The following MARK3 variants were observed in gnomAD, a reference collection of about 807,000 sequenced individuals.
MARK3 encodes microtubule affinity regulating kinase 3.
MARK3 carries 46 observed loss-of-function variants against 90.1 expected under a neutral mutation model. That is an observed-to-expected ratio of 0.51 (90% CI 0.40 to 0.65). The LOEUF (loss-of-function observed/expected upper bound fraction) is 0.65, where lower values mean the gene tolerates loss of function less well. Among genes scored for constraint, MARK3 ranks in the 30% least tolerant of loss-of-function variants. The pLI is 0.00. For synonymous variants in MARK3, 321 were observed against 332.6 expected, an observed-to-expected ratio of 0.97 and a Z score of 0.38; for missense variants, 818 against 947.2, an observed-to-expected ratio of 0.86 and a Z score of 1.79.
chr14:103,456,253 C>G, intron 5 of MARK3, among the ~76,000 whole-genome samples: 1 of 152,188 alleles, frequency 6.6e-6, no homozygotes, highest in Non-Finnish European at 1.5e-5. Flanking sequence ...CCCTCTTGGT[C>G]TTCCTGTCCC....
intron 12 of MARK3, among the ~76,000 whole-genome samples, 198 bp from the exon 13 acceptor site, chr14:103,474,795 A>G (rs1182937750): frequency 6.6e-6 from 1 of 152,218 alleles, no homozygotes; most frequent in Non-Finnish European, 1.5e-5. Context: ...AGAAAGGAGT[A>G]TTAAGTGAAA....
At chr14:103,475,667 C>T (rs2093701516) in intron 13 of MARK3, among the ~76,000 whole-genome samples, 1 of 152,180 alleles carries the variant, frequency 6.6e-6, no homozygotes, top group South Asian at 2.1e-4. Context: ...ACTAATCTGG[C>T]CGGGTGCGGT....
At chr14:103,445,106 C>T (rs1250442556) in intron 3 of MARK3, among the ~76,000 whole-genome samples, 1 of 151,928 alleles carries the variant, frequency 6.6e-6, no homozygotes, top group Non-Finnish European at 1.5e-5. Context: ...TCTAAGGTAG[C>T]AATGTGGAAT....
Position 103,385,678 on chromosome 14 carries a change from GGGAGGGA to G in MARK3, c.-350_-344del. 4.7e-6 allele frequency: 1 copy of G among 213,068 alleles called. No homozygotes were observed. Among genetic ancestry groups the G allele is most frequent in the Non-Finnish European group, 9.2e-6 (1 of 108,300 alleles). 13.2% of individuals were successfully genotyped at this position (213,068 alleles called of 1,614,324 possible). On this transcript the variant is annotated 5_prime_UTR_variant, in exon 1 of 18. Transcript: ENST00000429436. ...CGCGAGCTGAAATTCGCGGTGCGAC[GGGAGGGA>G]GTGGAGAAGGAGGTGAGGGGGCCCA...
chr14:103,448,092 C>G (rs2141288750), intron 3 of MARK3, among the ~76,000 whole-genome samples: 1 of 152,242 alleles, frequency 6.6e-6, no homozygotes, highest in Admixed American at 6.5e-5. Context: ...TAAGGTCTCA[C>G]CTGGGTTCAC....
At chr14:103,389,230 G>A (rs1015646831) in intron 1 of MARK3, among the ~76,000 whole-genome samples, 6 of 151,768 alleles carry the variant, frequency 4.0e-5, no homozygotes, top group Admixed American at 3.9e-4. Context: ...CGGGCGTGGT[G>A]GCAGGCACCT....
intron 2 of MARK3, chr14:103,412,824 T>A (rs2091730950): frequency 8.4e-6 from 3 of 358,720 alleles, no homozygotes; most frequent in Non-Finnish European, 1.6e-5. Context: ...TATTAATAGT[T>A]TGGGAGGAAA....
In MARK3 at chr14:103,462,468, A is replaced by G; in HGVS notation, c.540+7A>G. ...CGTACATCGAGACCTCAAGGTGAGT[A>G]GAAGTGCCTCACTCAGTGTATGCTC... On this transcript the variant is annotated splice_region_variant and intron_variant, in intron 7 of 17. Transcript: ENST00000429436. 6.3e-7 allele frequency: 1 copy of G among 1,596,896 alleles called. No homozygotes were observed. The highest frequency in any genetic ancestry group is 1.1e-5 in the South Asian group (1 of 90,140).
At chr14:103,496,744 G>C (rs2075364242) in intron 15 of MARK3, among the ~76,000 whole-genome samples, 1 of 152,090 alleles carries the variant, frequency 6.6e-6, no homozygotes, top group Admixed American at 6.5e-5. Flanking sequence ...AAAAAAAGTT[G>C]GGAAATGGGC....
chr14:103,468,093 A>G lies in MARK3; in HGVS notation c.1171A>G (p.Ser391Gly). ...NLSLAKVRPSSDLNNSTGQSP... is the reference protein window; with the variant it reads ...NLSLAKVRPSGDLNNSTGQSP... The stretch of plus-strand genomic sequence containing the variant: ...TTCACTTGCTAAGGTTAGGCCGAGC[A>G]GTGATCTCAACAACAGTACTGGCCA... Residue 391 changes from serine (S) to glycine (G), a missense_variant, in exon 12 of 18, where the codon AGT becomes GGT. By Grantham distance (56) the Ser-to-Gly change is moderately conservative. Transcript: ENST00000429436. 1.2e-6 allele frequency: 2 copies of G among 1,614,084 alleles called. No homozygotes were observed. Among genetic ancestry groups the G allele is most frequent in the Non-Finnish European group, 1.7e-6 (2 of 1,180,002 alleles).
intron 13 of MARK3, among the ~76,000 whole-genome samples, chr14:103,476,818 T>C (rs2093722926): frequency 6.6e-6 from 1 of 152,196 alleles, no homozygotes; most frequent in African/African-American, 2.4e-5. Flanking sequence ...TCCTCTGACC[T>C]TATGCTTAGT....
intron 7 of MARK3, 80 bp downstream of exon 7, chr14:103,462,541 A>T: frequency 9.7e-7 from 1 of 1,025,914 alleles, no homozygotes; most frequent in Non-Finnish European, 1.5e-6. Flanking sequence ...CAAATGAGGT[A>T]TAGATTAGCC....
chr14:103,430,636 G>C (rs2092555016), intron 3 of MARK3, among the ~76,000 whole-genome samples: 2 of 152,230 alleles, frequency 1.3e-5, no homozygotes, highest in African/African-American at 4.8e-5. Context: ...AGGTGGACTG[G>C]CTCATTCAGG....
chr14:103,480,107 A>G (rs1360767460), intron 13 of MARK3, among the ~76,000 whole-genome samples: 2 of 152,158 alleles, frequency 1.3e-5, no homozygotes, highest in Admixed American at 1.3e-4. Flanking sequence ...GCGACAGAGC[A>G]ACACTGCATC....
chr14:103,428,465 C>CT, intron 3 of MARK3, 25 bp downstream of exon 3: 2 of 1,418,582 alleles, frequency 1.4e-6, no homozygotes, highest in Non-Finnish European at 1.9e-6. Flanking sequence ...ATGTCTAGTA[C>CT]TTTTTAAAAA....
At chr14:103,500,305 C>A in intron 17 of MARK3, 105 bp downstream of exon 17, 1 of 851,648 alleles carries the variant, frequency 1.2e-6, no homozygotes, top group Non-Finnish European at 1.8e-6. Flanking sequence ...CCTGCTGTCT[C>A]TGTAGGAGTT....
At chr14:103,451,639 A>G (rs1387545890) in intron 4 of MARK3, among the ~76,000 whole-genome samples, 2 of 152,188 alleles carry the variant, frequency 1.3e-5, no homozygotes, top group African/African-American at 4.8e-5. Context: ...TGAGGGTGAC[A>G]GAGGAAGTGA....
chr14:103,465,883 GGGGGGTTTCA>G, intron 8 of MARK3, 79 bp from the exon 9 acceptor site: 2 of 1,548,296 alleles, frequency 1.3e-6, no homozygotes, highest in South Asian at 2.4e-5. Context: ...ATATCAGTGC[GGGGGGTTTCA>G]GGGGGTTTTT....
chr14:103,460,073 C>CTTTTTTT (rs571611660), intron 6 of MARK3, among the ~76,000 whole-genome samples: 1,445 of 41,718 alleles, frequency 0.035, 411 homozygotes, highest in East Asian at 0.064. Context: ...CCAGCTCCAT[C>CTTTTTTT]TTTTTTTTTT....
Sources: gnomAD v4.1 joint callset for allele counts (sites outside exome capture counted in the v4.1 genomes callset) on GRCh38, gnomAD v4.1.1 for gene constraint, MANE v1.5 for transcripts, NCBI Gene and HGNC (gene_info 2026-07-23, HGNC 2026-07-21) for gene names.